RBFOX1: variants seen among roughly 807,000 people sequenced by gnomAD.
RBFOX1 encodes the protein RNA binding protein fox-1 homolog 1.
Under a neutral mutation model 57.7 loss-of-function variants are expected in RBFOX1, and 8 were observed. The ratio of observed to expected loss-of-function variants is 0.14; its 90% confidence interval spans 0.08 to 0.25. RBFOX1 has a LOEUF of 0.25. Ranked by LOEUF, RBFOX1 falls within the 10% of genes least tolerant of loss-of-function variation. The pLI, the probability that RBFOX1 is intolerant of heterozygous loss-of-function variation, is 1.00. For missense variants in RBFOX1, 611 were observed against 548.5 expected (o/e 1.11, Z -1.14); for synonymous variants, 326 against 222.4 (o/e 1.47, Z -4.15).
intron 1 of RBFOX1, among the ~76,000 whole-genome samples, chr16:5,315,303 T>C (rs181756784): frequency 2.4e-4 from 37 of 152,278 alleles, no homozygotes; most frequent in African/African-American, 8.4e-4. Flanking sequence ...AAAATTAGCA[T>C]TTCCATGTTT....
chr16:5,708,274 C>G (rs1259977431), intron 3 of RBFOX1, among the ~76,000 whole-genome samples: 1 of 152,020 alleles, frequency 6.6e-6, no homozygotes, highest in African/African-American at 2.4e-5. Context: ...AAATATGTAT[C>G]AAGCAGATGA....
intron 3 of RBFOX1, among the ~76,000 whole-genome samples, chr16:5,713,642 G>C (rs960138388): frequency 6.6e-6 from 1 of 152,162 alleles, no homozygotes; most frequent in African/African-American, 2.4e-5. Flanking sequence ...GAGCTATGAG[G>C]AATGCTGCCC....
intron 4 of RBFOX1, among the ~76,000 whole-genome samples, chr16:5,986,804 G>C (rs2060295288): frequency 6.6e-6 from 1 of 152,176 alleles, no homozygotes; most frequent in African/African-American, 2.4e-5. Flanking sequence ...GGTTGTTTGG[G>C]GGTACTGTGA....
chr16:7,257,758 ACT>A (rs1389306122), intron 4 of RBFOX1, among the ~76,000 whole-genome samples: 2 of 152,164 alleles, frequency 1.3e-5, no homozygotes, highest in African/African-American at 4.8e-5. Context: ...TTTCAGTAGA[ACT>A]CTGCAGATTT....
chr16:5,719,640 T>A (rs74593858), intron 3 of RBFOX1, among the ~76,000 whole-genome samples: 12,313 of 152,222 alleles, frequency 0.081, 784 homozygotes, highest in East Asian at 0.31. Context: ...TCTAGATATT[T>A]CATATAGAAG....
intron 4 of RBFOX1, among the ~76,000 whole-genome samples, chr16:5,987,608 C>G (rs907286275): frequency 6.6e-6 from 1 of 152,092 alleles, no homozygotes; most frequent in Non-Finnish European, 1.5e-5. Context: ...GAGGCAGAGG[C>G]AGGAGAATCA....
chr16:6,312,445 C>G (rs1175883421), intron 1 of RBFOX1, among the ~76,000 whole-genome samples: 1 of 152,060 alleles, frequency 6.6e-6, no homozygotes, highest in Non-Finnish European at 1.5e-5. Context: ...CTTAAGTGTG[C>G]CTTGCAAATT....
intron 1 of RBFOX1, among the ~76,000 whole-genome samples, chr16:6,204,658 G>A (rs2097241438): frequency 6.6e-6 from 1 of 152,136 alleles, no homozygotes; most frequent in Non-Finnish European, 1.5e-5. Flanking sequence ...TCCTTAAAAT[G>A]AGCCATTTAT....
At chr16:7,249,890 C>G (rs949268545) in intron 4 of RBFOX1, among the ~76,000 whole-genome samples, 44 of 152,142 alleles carry the variant, frequency 2.9e-4, no homozygotes, top group African/African-American at 9.7e-4. Flanking sequence ...GTTAAATGAT[C>G]TCTTCAGAAA....
chr16:5,717,690 A>G (rs7203261), intron 3 of RBFOX1, among the ~76,000 whole-genome samples: 4 of 152,052 alleles, frequency 2.6e-5, no homozygotes, highest in Admixed American at 6.5e-5. Context: ...AGGCCAGTAT[A>G]TCATTTCAAC....
At chr16:6,914,751 G>T (rs1214704556) in intron 3 of RBFOX1, among the ~76,000 whole-genome samples, 1 of 152,146 alleles carries the variant, frequency 6.6e-6, no homozygotes, top group Non-Finnish European at 1.5e-5. Context: ...GTGTGCACCT[G>T]TAGTCCCAGC....
At chr16:6,275,451 C>A (rs2075702418) in intron 1 of RBFOX1, among the ~76,000 whole-genome samples, 1 of 152,214 alleles carries the variant, frequency 6.6e-6, no homozygotes, top group Non-Finnish European at 1.5e-5. Context: ...CACCTGATCT[C>A]ATTCGCATCT....
intron 4 of RBFOX1, among the ~76,000 whole-genome samples, chr16:7,223,712 GAAAAAAAA>G (rs71147673): frequency 7.7e-6 from 1 of 130,458 alleles, no homozygotes; most frequent in South Asian, 2.4e-4. Flanking sequence ...CAGTGTTTCA[GAAAAAAAA>G]AAAAAAAAAA....
intron 3 of RBFOX1, among the ~76,000 whole-genome samples, chr16:5,848,363 C>T (rs1161159833): frequency 6.6e-6 from 1 of 152,144 alleles, no homozygotes; most frequent in Non-Finnish European, 1.5e-5. Flanking sequence ...TCTCTGGTCT[C>T]TTGAACCGGG....
chr16:6,087,129 G>T (rs2096097789), intron 1 of RBFOX1, among the ~76,000 whole-genome samples: 1 of 152,206 alleles, frequency 6.6e-6, no homozygotes, highest in African/African-American at 2.4e-5. Context: ...TTTAGATGAT[G>T]AGATGAAAAG....
chr16:5,692,168 TGTGTG>T (rs369779487), intron 3 of RBFOX1, among the ~76,000 whole-genome samples: 12,850 of 143,408 alleles, frequency 0.09, 649 homozygotes, highest in African/African-American at 0.12. Flanking sequence ...GGACTGACTG[TGTGTG>T]TGTGTGTGTG....
chr16:5,384,373 G>C (rs1000884013), intron 1 of RBFOX1, among the ~76,000 whole-genome samples: 1 of 152,206 alleles, frequency 6.6e-6, no homozygotes, highest in Admixed American at 6.5e-5. Context: ...TCAGTCAATA[G>C]AGGTTCTCCT....
chr16:6,663,542 G>T (rs945710257), intron 3 of RBFOX1, among the ~76,000 whole-genome samples: 21 of 152,178 alleles, frequency 1.4e-4, no homozygotes, highest in African/African-American at 4.8e-4. Context: ...CTAGAATGGG[G>T]AGTATTCATG....
At chr16:5,700,625 A>T (rs1368424704) in intron 3 of RBFOX1, among the ~76,000 whole-genome samples, 1 of 151,928 alleles carries the variant, frequency 6.6e-6, no homozygotes, top group Non-Finnish European at 1.5e-5. Context: ...TGTGTTTTCA[A>T]CTCTGGAAAA....
Sources: gnomAD v4.1 joint callset for allele counts (sites outside exome capture counted in the v4.1 genomes callset) on GRCh38, gnomAD v4.1.1 for gene constraint, MANE v1.5 for transcripts, NCBI Gene and HGNC (gene_info 2026-07-23, HGNC 2026-07-21) for gene names.